CARD19: variants seen among roughly 807,000 people sequenced by gnomAD.
CARD19 encodes caspase recruitment domain family member 19, also known as caspase recruitment domain-containing protein 19.
In CARD19, 25 loss-of-function variants were observed where a neutral mutation model predicts 24.1. The observed-to-expected ratio is 1.04, with a 90% CI of 0.76 to 1.45. CARD19 has a LOEUF of 1.45. Ranked by LOEUF, CARD19 falls within the 40% of genes most tolerant of loss-of-function variation. The pLI, the probability that CARD19 is intolerant of heterozygous loss-of-function variation, is 0.00. For missense variants in CARD19, 241 were observed against 247.4 expected (o/e 0.97, Z 0.17); for synonymous variants, 103 against 104.9 (o/e 0.98, Z 0.11).
chr9:93,099,589 T>C (rs1339720162), intron 1 of CARD19, among the ~76,000 whole-genome samples: 6 of 152,182 alleles, frequency 3.9e-5, no homozygotes, highest in Non-Finnish European at 8.8e-5. Flanking sequence ...GTGCCAGACA[T>C]ATGGGATTGC....
At chr9:93,097,127 C>A (rs1321901947) in intron 1 of CARD19, among the ~76,000 whole-genome samples, 2 of 152,172 alleles carry the variant, frequency 1.3e-5, no homozygotes, top group Non-Finnish European at 2.9e-5. Context: ...TGGTAAGGGA[C>A]CCCATGGCAG....
chr9:93,110,769 G>A, intron 3 of CARD19, 48 bp downstream of exon 3: 1 of 1,574,570 alleles, frequency 6.4e-7, no homozygotes, highest in Non-Finnish European at 8.6e-7. Flanking sequence ...GGCCCGGGGA[G>A]GGCACCCCAG....
chr9:93,107,536 T>A, intron 1 of CARD19, 138 bp from the exon 2 acceptor site: 7 of 941,580 alleles, frequency 7.4e-6, no homozygotes, highest in Non-Finnish European at 1.1e-5. Context: ...CTGGGATGGC[T>A]GTGATTCTGC....
chr9:93,105,162 G>A (rs556063361), intron 1 of CARD19, among the ~76,000 whole-genome samples: 2 of 136,134 alleles, frequency 1.5e-5, no homozygotes, highest in East Asian at 2.1e-4. Context: ...GCGGTGTAAG[G>A]TGTGTGTGTG....
intron 1 of CARD19, among the ~76,000 whole-genome samples, chr9:93,097,261 C>T (rs1373680176): frequency 2.0e-5 from 3 of 152,032 alleles, no homozygotes; most frequent in Non-Finnish European, 4.4e-5. Context: ...TCTCGGTGCT[C>T]GCTCTCTTGA....
rs748653594 is a variant in CARD19 at position 93,110,680 on chromosome 9, C to T, written c.263C>T (p.Ala88Val). 1 of 1,613,192 alleles carries T rather than the reference C, an allele frequency of 6.2e-7. No homozygotes were observed. Among genetic ancestry groups the T allele is most frequent in the South Asian group, 1.1e-5 (1 of 91,088 alleles). ...TTCTACCGAGCCCTGTATATCCATG[C>T]CCAGCCCCTGCACAGCCGCCTGCCC... ...QEFYRALYIH[A>V]QPLHSRLPSR... The change falls in exon 3 of 6, where the codon GCC (alanine) becomes GTC (valine). Residue 88 changes from alanine to valine, a missense_variant. Ala to Val is a moderately conservative substitution (Grantham distance 64). Transcript: ENST00000375464.
chr9:93,106,420 A>AAAAAAAAAAAG (rs1827257831), intron 1 of CARD19, among the ~76,000 whole-genome samples: 1 of 148,494 alleles, frequency 6.7e-6, no homozygotes, highest in Non-Finnish European at 1.5e-5. Flanking sequence ...CTACTAAAAA[A>AAAAAAAAAAAG]AAAAAAAAAA....
chr9:93,107,642 G>A (rs375100141), intron 1 of CARD19, 32 bp from the exon 2 acceptor site: 1 of 1,613,286 alleles, frequency 6.2e-7, no homozygotes, highest in Non-Finnish European at 8.5e-7. Context: ...CTTGGGCTGT[G>A]CTGGCTCATG....
At chr9:93,110,856 T>C in intron 3 of CARD19, 135 bp downstream of exon 3, 1 of 1,533,836 alleles carries the variant, frequency 6.5e-7, no homozygotes, top group Non-Finnish European at 8.7e-7. Context: ...CCCTCTCGCC[T>C]CAGCCCCTCC....
At chr9:93,110,815 C>T (rs1827447550) in intron 3 of CARD19, 94 bp downstream of exon 3, 1 of 1,539,178 alleles carries the variant, frequency 6.5e-7, no homozygotes, top group African/African-American at 1.4e-5. Flanking sequence ...TCCATGACCA[C>T]CCAAGTCTGC....
Position 93,111,915 on chromosome 9 carries a change from A to G in CARD19, c.341A>G (p.Gln114Arg), listed in dbSNP as rs200080924. ...SDCTELDSGS[Q>R]SGELSNRGPM... The stretch of plus-strand genomic sequence containing the variant: ...TGCACAGAGCTAGACTCGGGCAGCC[A>G]GAGCGGCGAGCTGAGTAACAGGGGT... The change falls in exon 4 of 6, where the codon CAG becomes CGG. Residue 114 changes from glutamine to arginine, a missense_variant. Transcript: ENST00000375464. The G allele has an allele frequency of 1.9e-6, 3 of 1,611,708 alleles. No homozygotes were observed. Among genetic ancestry groups the G allele is most frequent in the Admixed American group, 1.7e-5 (1 of 59,972 alleles).
At chr9:93,097,283 G>A (rs928745586) in intron 1 of CARD19, among the ~76,000 whole-genome samples, 3 of 151,982 alleles carry the variant, frequency 2.0e-5, no homozygotes, top group African/African-American at 7.3e-5. Flanking sequence ...TCTCAGCCTA[G>A]GTCCTGCCCA....
chr9:93,111,148 A>G, intron 3 of CARD19: 1 of 1,217,862 alleles, frequency 8.2e-7, no homozygotes, highest in Non-Finnish European at 1.0e-6. Flanking sequence ...GGACCCTTTC[A>G]TTGCAGCGAT....
At chr9:93,097,965 C>T (rs953524663) in intron 1 of CARD19, among the ~76,000 whole-genome samples, 11 of 152,366 alleles carry the variant, frequency 7.2e-5, no homozygotes, top group South Asian at 2.1e-4. Context: ...GACAGCCCTG[C>T]GAGGCTGCAG....
intron 1 of CARD19, among the ~76,000 whole-genome samples, chr9:93,099,968 C>T (rs140695314): frequency 0.011 from 1,613 of 152,308 alleles, 25 homozygotes; most frequent in African/African-American, 0.037. Flanking sequence ...GTTAAGGATA[C>T]GTTTGTGGGT....
At position 93,111,946 on chromosome 9, in the gene CARD19, C is replaced by T; in HGVS notation, c.364+8C>T. The T allele has an allele frequency of 6.2e-7, 1 of 1,609,390 alleles. No individual in the cohort carries two copies. The highest frequency in any genetic ancestry group is 8.5e-7 in the Non-Finnish European group (1 of 1,178,764). The stretch of plus-strand genomic sequence containing the variant: ...GCGAGCTGAGTAACAGGGGTAACAC[C>T]TCCCTGCTGCCCCTCCCTCTCTCTC... On this transcript the variant is annotated splice_region_variant and intron_variant, in intron 4 of 5. Coordinates refer to ENST00000375464, the MANE Select transcript of CARD19 (RefSeq NM_032310.5).
chr9:93,111,028 C>G lies in CARD19; in HGVS notation c.304+307C>G, dbSNP rs1409022566. The G allele has an allele frequency of 8.3e-6, 12 of 1,441,526 alleles. No individual in the cohort carries two copies. The Admixed American group carries it at 2.3e-4, about 28-fold the overall frequency. The allele number at this position is 1,441,526 out of a possible 1,614,324, so 89.3% of individuals were successfully genotyped here. ...TACGTCCACTCTTGCCCTTCCTTTT[C>G]TAACCTCATTCCACGGGGATCCCTT... On this transcript the variant is annotated intron_variant, in intron 3 of 5. Coordinates refer to ENST00000375464, the MANE Select transcript of CARD19 (RefSeq NM_032310.5).
At chr9:93,099,898 A>G (rs1394985766) in intron 1 of CARD19, among the ~76,000 whole-genome samples, 2 of 152,200 alleles carry the variant, frequency 1.3e-5, no homozygotes, top group African/African-American at 4.8e-5. Context: ...GGGCATCATC[A>G]GGGGCCCTGT....
Position 93,110,707 on chromosome 9 carries a change from G to T in CARD19, c.290G>T (p.Ser97Ile). 3 of 1,611,706 alleles carry T rather than the reference G, an allele frequency of 1.9e-6. No homozygotes were observed. Among genetic ancestry groups the T allele is most frequent in the Non-Finnish European group, 2.5e-6 (3 of 1,179,842 alleles). Reference protein sequence around the residue: ...HAQPLHSRLPSRHALQNSDCT... With the variant: ...HAQPLHSRLPIRHALQNSDCT... ...CAGCCCCTGCACAGCCGCCTGCCCA[G>T]CCGCCACGCTCTGCGTAAGTTCCAC... The change falls in exon 3 of 6, where the codon AGC becomes ATC. Residue 97 changes from serine (S) to isoleucine (I), a missense_variant. Transcript: ENST00000375464.
Sources: allele counts gnomAD v4.1 joint callset (sites outside exome capture counted in the v4.1 genomes callset), GRCh38; gene constraint gnomAD v4.1.1; transcripts MANE v1.5; gene names NCBI Gene and HGNC (gene_info 2026-07-23, HGNC 2026-07-21).